GCN1: variants seen among roughly 807,000 people sequenced by gnomAD.
GCN1 encodes stalled ribosome sensor GCN1.
Under a neutral mutation model 288.4 loss-of-function variants are expected in GCN1, and 90 were observed. The observed-to-expected ratio is 0.31, with a 90% CI of 0.26 to 0.37. GCN1 has a LOEUF of 0.37. Ranked by LOEUF, GCN1 falls within the 10% of genes least tolerant of loss-of-function variation. The pLI is 1.00. For missense variants in GCN1, 2,586 were observed against 3,419.9 expected, an observed-to-expected ratio of 0.76 and a Z score of 6.08; for synonymous variants, 1,386 against 1,420.2, an observed-to-expected ratio of 0.98 and a Z score of 0.54.
In GCN1 at chr12:120,174,178, C is replaced by G; in HGVS notation, c.1094-9G>C. 3 of 1,504,944 alleles carry G rather than the reference C, an allele frequency of 2.0e-6. 1 individual carries two copies. The South Asian group carries it at 3.4e-5, about 17-fold the overall frequency. The allele number at this position is 1,504,944 out of a possible 1,614,324, so 93.2% of individuals were successfully genotyped here. On this transcript the variant is annotated splice_polypyrimidine_tract_variant and intron_variant, in intron 12 of 57. Coordinates refer to ENST00000300648, the MANE Select transcript of GCN1 (RefSeq NM_006836.2). The stretch of plus-strand genomic sequence containing the variant: ...ACTGACGCTCCCAATCCCTAAAAGG[C>G]AGATTCCCTGTTCAGTCTCTTATCA...
rs774179463 is a variant in GCN1, at chr12:120,158,655, A to G, written c.2750-40T>C. 3 of 1,544,154 alleles carry G rather than the reference A, an allele frequency of 1.9e-6. No homozygotes were observed. Among genetic ancestry groups the G allele is most frequent in the Non-Finnish European group, 2.6e-6 (3 of 1,137,534 alleles). On this transcript the variant is annotated intron_variant, in intron 24 of 57. Coordinates refer to ENST00000300648, the MANE Select transcript of GCN1 (RefSeq NM_006836.2). The surrounding 1 kb of genome is among the most constrained non-coding windows in gnomAD (Gnocchi z 4.3). ...AGAGACCCAGCAGGAGATGACACAC[A>G]GAGATGTGGAATCCAGCCCAGGCTA...
intron 1 of GCN1, 82 bp from the exon 2 acceptor site, chr12:120,190,482 T>C (rs186121019): frequency 1.2e-6 from 1 of 809,206 alleles, no homozygotes; most frequent in African/African-American, 1.7e-5. Flanking sequence ...GGTGTAGAAT[T>C]TGGGGATCTC....
chr12:120,177,430 G>C lies in GCN1; in HGVS notation c.838+17C>G, dbSNP rs1358264569. 1 of 1,312,340 alleles carries C rather than the reference G, an allele frequency of 7.6e-7. No individual in the cohort carries two copies. Among genetic ancestry groups the C allele is most frequent in the Admixed American group, 1.7e-5 (1 of 59,058 alleles). 81.3% of individuals were successfully genotyped at this position (1,312,340 alleles called of 1,614,324 possible). ...CAACTCATCTCCCTCCCACCATCCT[G>C]GTTGACAGCAACCTACTTTCAATAA... On this transcript the variant is annotated intron_variant, in intron 9 of 57. Coordinates refer to ENST00000300648, the MANE Select transcript of GCN1 (RefSeq NM_006836.2).
At chr12:120,128,967 G>A (rs1876715837) in intron 57 of GCN1, among the ~76,000 whole-genome samples, 1 of 149,502 alleles carries the variant, frequency 6.7e-6, no homozygotes, top group Non-Finnish European at 1.5e-5. Context: ...TCAGCCTCCT[G>A]AGTAGCTGGG....
intron 45 of GCN1, among the ~76,000 whole-genome samples, chr12:120,140,455 A>T (rs1594262462): frequency 2.0e-5 from 3 of 152,108 alleles, no homozygotes; most frequent in Non-Finnish European, 4.4e-5. Context: ...GGGTGAGTGC[A>T]CACCCCCTCC....
rs1168917217 is a variant in GCN1, at chr12:120,153,886, T to C, written c.3725A>G (p.Asn1242Ser). 13 of 1,613,912 alleles carry C rather than the reference T, an allele frequency of 8.1e-6. No homozygotes were observed. The highest frequency in any genetic ancestry group is 9.3e-6 in the Non-Finnish European group (11 of 1,179,958). Residue 1242 changes from asparagine (N) to serine (S), a missense_variant, in exon 32 of 58, where the codon AAC becomes AGC. Asn to Ser is a conservative substitution (Grantham distance 46). This residue lies in a region of GCN1 where 332 missense variants were observed against 403.0 expected (regional missense o/e 0.82). Coordinates refer to ENST00000300648, the MANE Select transcript of GCN1 (RefSeq NM_006836.2). This position sits in a 1 kb window ranked among gnomAD's most constrained non-coding sequence, Gnocchi z 4.4. ...GCTGTCCAAATACTGGGAGAGCTTG[T>C]TGAGGGCCAACGCCAAGCCACACCT... ...EARCGLALAL[N>S]KLSQYLDSSQ...
rs1250218070 is a variant in GCN1 at position 120,137,428 on chromosome 12, T to A, written c.6664-109A>T. 4 of 1,397,390 alleles carry A rather than the reference T, an allele frequency of 2.9e-6. No individual in the cohort carries two copies. The allele number at this position is 1,397,390 out of a possible 1,614,324, so 86.6% of individuals were successfully genotyped here. A position where few individuals can be genotyped will look rare whatever the true frequency, so the allele number is the denominator to read the frequency against. ...GAGTATAAACAAGACTTGCCACGAG[T>A]GGGTAAACGCCGAAGCTGAGTGACA... On this transcript the variant is annotated intron_variant, in intron 49 of 57. Coordinates refer to ENST00000300648, the MANE Select transcript of GCN1 (RefSeq NM_006836.2). This position sits in a 1 kb window ranked among gnomAD's most constrained non-coding sequence, Gnocchi z 5.2.
intron 53 of GCN1, among the ~76,000 whole-genome samples, chr12:120,133,280 A>C (rs2286044): frequency 0.16 from 23,725 of 152,192 alleles, 2,157 homozygotes; most frequent in East Asian, 0.46. Flanking sequence ...TTGGCCCTAC[A>C]AAGTAAATTA....
At position 120,134,701 on chromosome 12, in the gene GCN1, A is replaced by G; in HGVS notation, c.7034T>C (p.Leu2345Pro). The G allele has an allele frequency of 3.7e-6, 6 of 1,612,904 alleles. No homozygotes were observed. The highest frequency in any genetic ancestry group is 5.1e-6 in the Non-Finnish European group (6 of 1,180,030). ...GGTGAAAGTGGTCTGCAGCTGGGGC[A>G]GGAAGGGCTTCAGGGCAATCCCAAC... ...AKVGIALKPFLPQLQTTFTKA... is the reference protein window; with the variant it reads ...AKVGIALKPFPPQLQTTFTKA... The change falls in exon 52 of 58, where the codon CTG becomes CCG. Residue 2345 changes from leucine (L) to proline (P), a missense_variant. Around this residue, in one of 8 missense-constraint regions of GCN1, gnomAD observed 17 missense variants for 52.8 expected, o/e 0.32. Coordinates refer to ENST00000300648, the MANE Select transcript of GCN1 (RefSeq NM_006836.2). This position sits in a 1 kb window ranked among gnomAD's most constrained non-coding sequence, Gnocchi z 5.0.
Position 120,154,963 on chromosome 12 carries a change from G to T in GCN1, c.3701+7C>A. ...TGGAGTAGAACGAGGCTGAACAATTGTTATACCTGGCTTCCCACTGATCTG... is the reference window on the plus strand; with the variant it reads ...TGGAGTAGAACGAGGCTGAACAATTTTTATACCTGGCTTCCCACTGATCTG... On this transcript the variant is annotated splice_region_variant and intron_variant, in intron 31 of 57. Transcript: ENST00000300648. 1 of 1,610,138 alleles carries T rather than the reference G, an allele frequency of 6.2e-7. No individual in the cohort carries two copies. Among genetic ancestry groups the T allele is most frequent in the Non-Finnish European group, 8.5e-7 (1 of 1,176,324 alleles).
Position 120,144,425 on chromosome 12 carries a change from A to C in GCN1, c.5376T>G (p.Phe1792Leu). ...CCGCGCGCAGGGCGGTGTCACGCAC[A>C]AACTCATTCTCATCAGCAAGAGCCT... Reference protein sequence around the residue: ...ILKALADENEFVRDTALRAGQ... With the variant: ...ILKALADENELVRDTALRAGQ... Residue 1792 changes from phenylalanine to leucine, a missense_variant, in exon 42 of 58, where the codon TTT becomes TTG. Physicochemically the swap from Phe to Leu is conservative, Grantham distance 22. Transcript: ENST00000300648. This position sits in a 1 kb window ranked among gnomAD's most constrained non-coding sequence, Gnocchi z 4.7. 6.2e-7 allele frequency: 1 copy of C among 1,613,864 alleles called. No homozygotes were observed. The highest frequency in any genetic ancestry group is 8.5e-7 in the Non-Finnish European group (1 of 1,179,818).
Position 120,177,719 on chromosome 12 carries a change from G to C in GCN1, c.694C>G (p.Leu232Val). 6.2e-7 allele frequency: 1 copy of C among 1,613,636 alleles called. No homozygotes were observed. Among genetic ancestry groups the C allele is most frequent in the Non-Finnish European group, 8.5e-7 (1 of 1,179,562 alleles). ...ALLDFYMKNI[L>V]MSKVKPPKYL... ...TTCGGAGGCTTGACTTTGCTCATCAGGATGTTCTTCATGTAAAAGTCCAGT... is the reference window on the plus strand; with the variant it reads ...TTCGGAGGCTTGACTTTGCTCATCACGATGTTCTTCATGTAAAAGTCCAGT... The change falls in exon 8 of 58, where the codon CTG (leucine) becomes GTG (valine). Residue 232 changes from leucine to valine, a missense_variant. By Grantham distance (32) the Leu-to-Val change is conservative (BLOSUM62 1). Coordinates refer to ENST00000300648, the MANE Select transcript of GCN1 (RefSeq NM_006836.2).
chr12:120,171,148 A>AAC (rs1270594512), intron 14 of GCN1, among the ~76,000 whole-genome samples: 1 of 150,692 alleles, frequency 6.6e-6, no homozygotes, highest in East Asian at 2.0e-4. Flanking sequence ...CTCCAAAAAA[A>AAC]AAAAAAAAAA....
chr12:120,164,834 G>T, intron 16 of GCN1, 113 bp from the exon 17 acceptor site: 17 of 620,520 alleles, frequency 2.7e-5, no homozygotes, highest in South Asian at 1.2e-4. Context: ...AAATATAAAT[G>T]TGATTATCAC....
intron 53 of GCN1, among the ~76,000 whole-genome samples, chr12:120,132,427 C>A (rs1392669881): frequency 2.0e-5 from 3 of 152,116 alleles, no homozygotes; most frequent in Non-Finnish European, 4.4e-5. Context: ...AGGCACCTGC[C>A]CCCAGCCACC....
Position 120,156,400 on chromosome 12 carries a change from C to T in GCN1, c.3312+61G>A, listed in dbSNP as rs116561504. 1,921 of 1,522,702 alleles carry T rather than the reference C, an allele frequency of 1.3e-3. 35 individuals carry two copies. The African/African-American group carries it at 0.023, about 18-fold the overall frequency. The allele number at this position is 1,522,702 out of a possible 1,614,324, so 94.3% of individuals were successfully genotyped here. On this transcript the variant is annotated intron_variant, in intron 28 of 57. Transcript: ENST00000300648. The surrounding 1 kb of genome is among the most constrained non-coding windows in gnomAD (Gnocchi z 5.8). ...GACATTCTCTCAAATGCCCATCATGCAATTTGCACTTGCATAGAGTGACAA... is the reference window on the plus strand; with the variant it reads ...GACATTCTCTCAAATGCCCATCATGTAATTTGCACTTGCATAGAGTGACAA...
intron 33 of GCN1, 84 bp from the exon 34 acceptor site, chr12:120,151,475 A>C (rs1594269381): frequency 3.6e-6 from 5 of 1,396,756 alleles, no homozygotes; most frequent in South Asian, 2.6e-5. Context: ...TCTACACAGC[A>C]CCCACCACTA....
At chr12:120,188,295 G>A (rs1386892841) in intron 2 of GCN1, among the ~76,000 whole-genome samples, 1 of 152,078 alleles carries the variant, frequency 6.6e-6, no homozygotes, top group Non-Finnish European at 1.5e-5. Context: ...TTAGCTGGGC[G>A]TGGTAGCAGG....
chr12:120,158,537 A>G lies in GCN1; in HGVS notation c.2828T>C (p.Leu943Pro). The G allele has an allele frequency of 6.3e-7, 1 of 1,597,108 alleles. No homozygotes were observed. Among genetic ancestry groups the G allele is most frequent in the Non-Finnish European group, 8.5e-7 (1 of 1,171,692 alleles). ...CACCGCCCTCTTCACAGCCACCGAC[A>G]GCTCTTCCTGGCACCAGGACTTATC... ...VLDKSWCQEE[L>P]SVAVKRAVML... The change falls in exon 25 of 58, where the codon CTG becomes CCG. Residue 943 changes from leucine (L) to proline (P), a missense_variant. By Grantham distance (98) the Leu-to-Pro change is moderately conservative. This residue lies in a region of GCN1 where 153 missense variants were observed against 252.0 expected (regional missense o/e 0.61). Transcript: ENST00000300648. This position sits in a 1 kb window ranked among gnomAD's most constrained non-coding sequence, Gnocchi z 4.3.
Sources: gnomAD v4.1 joint callset for allele counts (sites outside exome capture counted in the v4.1 genomes callset) on GRCh38, gnomAD v4.1.1 for gene constraint, gnomAD v4.1.1 regional missense constraint, Gnocchi (gnomAD v3.1) non-coding constraint, MANE v1.5 for transcripts, NCBI Gene and HGNC (gene_info 2026-07-23, HGNC 2026-07-21) for gene names.